TNNI3K: variants seen among roughly 807,000 people sequenced by gnomAD.
The protein encoded by TNNI3K is TNNI3 interacting kinase.
A neutral mutation model predicts 114.5 loss-of-function variants in TNNI3K; 140 were observed. The observed-to-expected ratio is 1.22, with a 90% CI of 1.07 to 1.41. The LOEUF is 1.41. Among genes scored for constraint, TNNI3K ranks in the 40% most tolerant of loss-of-function variants. The pLI, the probability that TNNI3K is intolerant of heterozygous loss-of-function variation, is 0.00. For missense variants in TNNI3K, 1,125 were observed against 1,007.6 expected, an observed-to-expected ratio of 1.12 and a Z score of -1.58; for synonymous variants, 347 against 347.5, an observed-to-expected ratio of 1.00 and a Z score of 0.02.
intron 17 of TNNI3K, among the ~76,000 whole-genome samples, chr1:74,378,473 T>G (rs562594172): frequency 6.6e-6 from 1 of 151,112 alleles, no homozygotes; most frequent in East Asian, 2.0e-4. Context: ...GTGTGACTTC[T>G]AGGGGGTCAA....
chr1:74,470,320 G>A, intron 21 of TNNI3K: 1 of 400,640 alleles, frequency 2.5e-6, no homozygotes, highest in Non-Finnish European at 4.4e-6. Flanking sequence ...GGTCATTTGT[G>A]AGATCTGAGT....
chr1:74,388,021 T>C (rs954569903), intron 17 of TNNI3K, among the ~76,000 whole-genome samples: 5 of 152,204 alleles, frequency 3.3e-5, no homozygotes, highest in Non-Finnish European at 7.3e-5. Context: ...AGCTCACGCC[T>C]ATAATCCCAG....
chr1:74,538,128 T>C (rs12568287), intron 23 of TNNI3K, among the ~76,000 whole-genome samples: 78,597 of 151,860 alleles, frequency 0.52, 21,623 homozygotes, highest in East Asian at 0.73. Flanking sequence ...CAGTTGAGAG[T>C]GCTCAGCCAT....
chr1:74,242,634 T>C (rs2100832391), intron 2 of TNNI3K, among the ~76,000 whole-genome samples: 1 of 152,316 alleles, frequency 6.6e-6, no homozygotes, highest in East Asian at 1.9e-4. Flanking sequence ...TGTTTGGTAG[T>C]GTGTTTTGCC....
chr1:74,330,885 A>G (rs941207623), intron 5 of TNNI3K, among the ~76,000 whole-genome samples: 12 of 152,174 alleles, frequency 7.9e-5, no homozygotes. Flanking sequence ...TGAATCTGAC[A>G]TACACTTTGT....
At chr1:74,301,426 T>G (rs974353185) in intron 5 of TNNI3K, among the ~76,000 whole-genome samples, 6 of 151,894 alleles carry the variant, frequency 4.0e-5, no homozygotes, top group Admixed American at 1.3e-4. Context: ...AGGGGGTTGA[T>G]ATAGGAAATT....
At chr1:74,371,002 A>C (rs1662567448) in intron 17 of TNNI3K, 1 of 151,924 alleles carries the variant, frequency 6.6e-6, no homozygotes, top group Non-Finnish European at 1.5e-5. Context: ...AGTGGGGAGG[A>C]GAAAACTCTA....
At chr1:74,419,793 G>T (rs1248196696) in intron 17 of TNNI3K, among the ~76,000 whole-genome samples, 1 of 152,104 alleles carries the variant, frequency 6.6e-6, no homozygotes, top group East Asian at 1.9e-4. Flanking sequence ...CATAACAAAT[G>T]AAAATTGCTG....
At chr1:74,542,914 T>C (rs752514657) in intron 24 of TNNI3K, among the ~76,000 whole-genome samples, 3 of 152,122 alleles carry the variant, frequency 2.0e-5, no homozygotes, top group Non-Finnish European at 4.4e-5. Flanking sequence ...TCCAAGGCTA[T>C]TGCTTCAAAG....
At chr1:74,375,315 T>C (rs968373840) in intron 17 of TNNI3K, 7 of 192,720 alleles carry the variant, frequency 3.6e-5, no homozygotes, top group African/African-American at 1.6e-4. Flanking sequence ...TGTTCATTCA[T>C]GGACATAGGC....
chr1:74,448,182 G>T (rs1666791210), intron 20 of TNNI3K, among the ~76,000 whole-genome samples: 1 of 107,242 alleles, frequency 9.3e-6, no homozygotes, highest in Non-Finnish European at 1.8e-5. Flanking sequence ...AGTGGGTGCA[G>T]CGCACCAGCA....
chr1:74,495,577 T>C (rs1669289170), intron 23 of TNNI3K, among the ~76,000 whole-genome samples: 1 of 152,200 alleles, frequency 6.6e-6, no homozygotes, highest in South Asian at 2.1e-4. Flanking sequence ...CTGGGCACTA[T>C]TTTAAACACT....
At chr1:74,490,025 T>G (rs1272352751) in intron 22 of TNNI3K, among the ~76,000 whole-genome samples, 1 of 58,332 alleles carries the variant, frequency 1.7e-5, no homozygotes, top group African/African-American at 6.7e-5. Flanking sequence ...AGTGGAACCA[T>G]CAAGAAAAGC....
intron 23 of TNNI3K, among the ~76,000 whole-genome samples, chr1:74,513,263 A>G (rs1186341363): frequency 6.7e-6 from 1 of 149,804 alleles, no homozygotes; most frequent in Non-Finnish European, 1.5e-5. Context: ...TTGAGAAATT[A>G]TACCGGGATG....
At chr1:74,303,583 T>C (rs4333810) in intron 5 of TNNI3K, among the ~76,000 whole-genome samples, 122,151 of 152,184 alleles carry the variant, frequency 0.8, 49,099 homozygotes, top group Middle Eastern at 0.89. Context: ...CTGATGGAGA[T>C]GTACAAGAAG....
At chr1:74,318,442 G>T (rs1249214733) in intron 5 of TNNI3K, among the ~76,000 whole-genome samples, 4 of 152,200 alleles carry the variant, frequency 2.6e-5, no homozygotes, top group Non-Finnish European at 5.9e-5. Flanking sequence ...CAAGGTCTAA[G>T]AAGGCTTTAT....
chr1:74,515,155 G>A (rs1646331305), intron 23 of TNNI3K, among the ~76,000 whole-genome samples: 1 of 152,086 alleles, frequency 6.6e-6, no homozygotes, highest in Non-Finnish European at 1.5e-5. Flanking sequence ...AACAGTGAAA[G>A]AATACATTTC....
chr1:74,237,426 CTT>C (rs1653924962), intron 2 of TNNI3K, among the ~76,000 whole-genome samples: 1 of 151,930 alleles, frequency 6.6e-6, no homozygotes, highest in Non-Finnish European at 1.5e-5. Context: ...CTCTTATTGA[CTT>C]AAATAAATAT....
At chr1:74,414,293 G>A (rs1312145695) in intron 17 of TNNI3K, among the ~76,000 whole-genome samples, 1 of 152,138 alleles carries the variant, frequency 6.6e-6, no homozygotes, top group East Asian at 1.9e-4. Context: ...GAGTCTAATA[G>A]TGTTTCATTT....
Sources: gnomAD v4.1 joint callset for allele counts (sites outside exome capture counted in the v4.1 genomes callset) on GRCh38, gnomAD v4.1.1 for gene constraint, MANE v1.5 for transcripts, NCBI Gene and HGNC (gene_info 2026-07-23, HGNC 2026-07-21) for gene names.